PDE4D: variants seen among roughly 807,000 people sequenced by gnomAD.
PDE4D encodes 3',5'-cyclic-AMP phosphodiesterase 4D.
A neutral mutation model predicts 87.4 loss-of-function variants in PDE4D; 24 were observed. The ratio of observed to expected loss-of-function variants is 0.27; its 90% confidence interval spans 0.20 to 0.39. The LOEUF (loss-of-function observed/expected upper bound fraction) is 0.39. Ranked by LOEUF, PDE4D falls within the 10% of genes least tolerant of loss-of-function variation. PDE4D has a pLI of 1.00. For synonymous variants in PDE4D, 384 were observed against 383.2 expected, an observed-to-expected ratio of 1.00 and a Z score of -0.02; for missense variants, 714 against 1,041.0, an observed-to-expected ratio of 0.69 and a Z score of 4.32.
intron 2 of PDE4D, among the ~76,000 whole-genome samples, chr5:59,202,070 A>G (rs984087271): frequency 1.5e-4 from 16 of 108,786 alleles, no homozygotes; most frequent in South Asian, 3.0e-4. Context: ...ATGGAGTCTC[A>G]CTCTGTCGCC....
At chr5:58,982,792 C>A (rs757835005) in intron 11 of PDE4D, among the ~76,000 whole-genome samples, 1 of 152,146 alleles carries the variant, frequency 6.6e-6, no homozygotes, top group Non-Finnish European at 1.5e-5. Flanking sequence ...TTGTTCTTAG[C>A]ATGTTGGGTG....
chr5:59,714,118 G>A (rs1217267930), intron 1 of PDE4D, among the ~76,000 whole-genome samples: 1 of 152,164 alleles, frequency 6.6e-6, no homozygotes, highest in Non-Finnish European at 1.5e-5. Context: ...CCCACCTGCA[G>A]AGCCTCCCCA....
chr5:59,038,367 T>C (rs531515562), intron 6 of PDE4D, among the ~76,000 whole-genome samples: 2 of 152,318 alleles, frequency 1.3e-5, no homozygotes, highest in South Asian at 2.1e-4. Flanking sequence ...CCTGCGGATA[T>C]GTATGGCCAA....
At chr5:60,267,129 C>T (rs533517272) in intron 1 of PDE4D, among the ~76,000 whole-genome samples, 56 of 152,206 alleles carry the variant, frequency 3.7e-4, no homozygotes, top group African/African-American at 1.3e-3. Context: ...TAAAACTGTC[C>T]GTGTGTTTCC....
intron 6 of PDE4D, among the ~76,000 whole-genome samples, chr5:59,020,929 C>A (rs1158853624): frequency 1.3e-5 from 2 of 152,138 alleles, no homozygotes; most frequent in Non-Finnish European, 2.9e-5. Flanking sequence ...TGTTTCTCAG[C>A]TGCATTTTCA....
intron 5 of PDE4D, among the ~76,000 whole-genome samples, chr5:59,076,527 C>T (rs149613959): frequency 1.3e-5 from 2 of 152,182 alleles, no homozygotes; most frequent in African/African-American, 2.4e-5. Flanking sequence ...TAAATATCTA[C>T]CTTAATAAGC....
At chr5:59,565,164 T>C (rs1820670482) in intron 1 of PDE4D, among the ~76,000 whole-genome samples, 1 of 152,068 alleles carries the variant, frequency 6.6e-6, no homozygotes, top group Non-Finnish European at 1.5e-5. Context: ...CTTAGGTCTC[T>C]GCAGAAGGAA....
chr5:60,298,317 C>T (rs1394139292), intron 1 of PDE4D, among the ~76,000 whole-genome samples: 1 of 152,070 alleles, frequency 6.6e-6, no homozygotes, highest in Non-Finnish European at 1.5e-5. Context: ...AGTTATCCAC[C>T]TTCATAGCCA....
At chr5:59,986,180 G>A (rs994166888) in intron 3 of PDE4D, among the ~76,000 whole-genome samples, 2 of 152,176 alleles carry the variant, frequency 1.3e-5, no homozygotes, top group Admixed American at 6.5e-5. Context: ...TCAGCCTGCT[G>A]AGTAGCTGGG....
intron 1 of PDE4D, among the ~76,000 whole-genome samples, chr5:60,191,095 G>T (rs1785162738): frequency 6.6e-6 from 1 of 152,022 alleles, no homozygotes; most frequent in African/African-American, 2.4e-5. Flanking sequence ...TCCAACAAAA[G>T]CCCTTCTTTC....
chr5:60,305,073 C>A (rs948540438), intron 1 of PDE4D, among the ~76,000 whole-genome samples: 1 of 145,906 alleles, frequency 6.9e-6, no homozygotes, highest in Non-Finnish European at 1.5e-5. Context: ...ACACACACAA[C>A]ACACAACAGG....
At chr5:60,165,825 A>T (rs76529408) in intron 2 of PDE4D, among the ~76,000 whole-genome samples, 4,449 of 151,214 alleles carry the variant, frequency 0.029, 212 homozygotes, top group African/African-American at 0.1. Flanking sequence ...TCTTTTTTTT[A>T]AATCTATTTT....
chr5:60,105,316 A>G (rs549942117), intron 2 of PDE4D, among the ~76,000 whole-genome samples: 2 of 152,338 alleles, frequency 1.3e-5, no homozygotes, highest in South Asian at 4.1e-4. Flanking sequence ...TAGAGAAAAA[A>G]GAATAAAAAG....
chr5:60,431,633 C>A (rs934407581), intron 1 of PDE4D, among the ~76,000 whole-genome samples: 1 of 151,922 alleles, frequency 6.6e-6, no homozygotes, highest in African/African-American at 2.4e-5. Flanking sequence ...AGACGATGGG[C>A]GGCCAGGCAG....
chr5:59,640,526 T>C (rs1001021310), intron 1 of PDE4D, among the ~76,000 whole-genome samples: 2 of 152,230 alleles, frequency 1.3e-5, no homozygotes, highest in African/African-American at 4.8e-5. Context: ...AGTGCCTTTG[T>C]GCTACAATGG....
At chr5:60,421,573 A>G (rs1025835928) in intron 1 of PDE4D, among the ~76,000 whole-genome samples, 6 of 152,234 alleles carry the variant, frequency 3.9e-5, no homozygotes, top group African/African-American at 1.4e-4. Flanking sequence ...TGATAAAACC[A>G]AAAAGATGGA....
At chr5:59,038,805 C>G in intron 6 of PDE4D, 54 bp downstream of exon 6, 2 of 1,406,872 alleles carry the variant, frequency 1.4e-6, no homozygotes, top group South Asian at 1.6e-5. Context: ...AGTGGCTCGC[C>G]GGCATGGGAA....
chr5:59,728,700 C>T (rs1438789857), intron 1 of PDE4D, among the ~76,000 whole-genome samples: 1 of 152,016 alleles, frequency 6.6e-6, no homozygotes, highest in Non-Finnish European at 1.5e-5. Flanking sequence ...CAATATAGTA[C>T]ATAAAATTGG....
intron 6 of PDE4D, chr5:58,999,953 G>C: frequency 1.0e-6 from 1 of 976,454 alleles, no homozygotes; most frequent in Non-Finnish European, 1.2e-6. Flanking sequence ...CGGGAAGAGT[G>C]ACAAGAAGCC....
Sources: allele counts gnomAD v4.1 joint callset (sites outside exome capture counted in the v4.1 genomes callset), GRCh38; gene constraint gnomAD v4.1.1; transcripts MANE v1.5; gene names NCBI Gene and HGNC (gene_info 2026-07-23, HGNC 2026-07-21).